MARCHF1: variants seen among roughly 807,000 people sequenced by gnomAD.
MARCHF1 encodes the protein E3 ubiquitin-protein ligase MARCHF1.
A neutral mutation model predicts 54.2 loss-of-function variants in MARCHF1; 40 were observed. The ratio of observed to expected loss-of-function variants is 0.74; its 90% CI spans 0.57 to 0.96. The LOEUF (loss-of-function observed/expected upper bound fraction) is 0.96. Among genes scored for constraint, MARCHF1 ranks in the 40% least tolerant of loss-of-function variants. The probability of loss-of-function intolerance (pLI) is 0.00; values close to 1 mark genes in which losing one functional copy is unlikely to be tolerated. For synonymous variants in MARCHF1, 236 were observed against 236.3 expected, an observed-to-expected ratio of 1.00 and a Z score of 0.01; for missense variants, 586 against 656.5, an observed-to-expected ratio of 0.89 and a Z score of 1.17.
rs1242877305 is a variant in MARCHF1, at chr4:163,673,943, G to C, written c.162+26870C>G. Among the ~76,000 whole-genome samples the C allele has an allele frequency of 7.2e-5, 11 of 152,278 alleles. No homozygotes were observed. The East Asian group carries it at 2.1e-3, about 29-fold the overall frequency. ...AAACCAAAGAAAGGAGTAGGAATATGAATTCCACGAGTTAACAGAAATAAC... is the reference window on the plus strand; with the variant it reads ...AAACCAAAGAAAGGAGTAGGAATATCAATTCCACGAGTTAACAGAAATAAC... On this transcript the variant is annotated intron_variant, in intron 5 of 9. Transcript: ENST00000514618.
chr4:163,630,105 C>T (rs1240432867), intron 5 of MARCHF1, among the ~76,000 whole-genome samples: 1 of 152,134 alleles, frequency 6.6e-6, no homozygotes, highest in African/African-American at 2.4e-5. Context: ...AAAATTATGT[C>T]ATATGTCTAC....
At chr4:164,196,470 T>C (rs1005490615) in intron 1 of MARCHF1, among the ~76,000 whole-genome samples, 19 of 152,190 alleles carry the variant, frequency 1.2e-4, no homozygotes, top group African/African-American at 4.6e-4. Flanking sequence ...TATTTCCTTA[T>C]TAATAAATTT....
At chr4:164,040,384 GTATT>G (rs1754102570) in intron 2 of MARCHF1, among the ~76,000 whole-genome samples, 1 of 144,910 alleles carries the variant, frequency 6.9e-6, no homozygotes, top group South Asian at 2.1e-4. Context: ...TTCTATATAA[GTATT>G]TATATATAAA....
intron 1 of MARCHF1, among the ~76,000 whole-genome samples, chr4:164,290,994 GT>G (rs1734270703): frequency 6.6e-6 from 1 of 151,666 alleles, no homozygotes; most frequent in East Asian, 1.9e-4. Context: ...AAGTAAACAT[GT>G]TTTTTAAATT....
At chr4:163,666,412 CA>C (rs1210930939) in intron 5 of MARCHF1, among the ~76,000 whole-genome samples, 2 of 152,086 alleles carry the variant, frequency 1.3e-5, no homozygotes, top group Non-Finnish European at 2.9e-5. Context: ...TAGTTACACC[CA>C]ACCCCCTCAA....
At chr4:163,556,942 A>G (rs1458564330) in intron 8 of MARCHF1, among the ~76,000 whole-genome samples, 15 of 151,578 alleles carry the variant, frequency 9.9e-5, no homozygotes, top group Admixed American at 9.9e-4. Context: ...CTTAAATTGT[A>G]TACAAAATAT....
intron 1 of MARCHF1, among the ~76,000 whole-genome samples, chr4:164,239,144 T>C (rs1481109500): frequency 6.6e-6 from 1 of 152,114 alleles, no homozygotes; most frequent in Non-Finnish European, 1.5e-5. Context: ...TGTATAGATA[T>C]ATACATAAAG....
At chr4:163,781,838 G>A (rs985532729) in intron 4 of MARCHF1, among the ~76,000 whole-genome samples, 1 of 152,200 alleles carries the variant, frequency 6.6e-6, no homozygotes, top group African/African-American at 2.4e-5. Context: ...TCATATGTGA[G>A]TTTTGCCTAC....
At chr4:163,901,034 T>C (rs568161393) in intron 3 of MARCHF1, among the ~76,000 whole-genome samples, 2 of 152,300 alleles carry the variant, frequency 1.3e-5, no homozygotes, top group South Asian at 4.1e-4. Flanking sequence ...GTTCACCACA[T>C]AACTTTATGC....
At chr4:163,702,519 T>C (rs1244416927) in intron 4 of MARCHF1, among the ~76,000 whole-genome samples, 1 of 152,182 alleles carries the variant, frequency 6.6e-6, no homozygotes, top group East Asian at 1.9e-4. Flanking sequence ...AATTGAAAGG[T>C]GCTGCCACAG....
chr4:163,608,917 G>A (rs1741232963), intron 7 of MARCHF1, among the ~76,000 whole-genome samples: 1 of 152,078 alleles, frequency 6.6e-6, no homozygotes, highest in East Asian at 1.9e-4. Context: ...TCCATTTCTA[G>A]AGATCATATA....
intron 1 of MARCHF1, among the ~76,000 whole-genome samples, chr4:164,271,943 AAC>A (rs1733754894): frequency 6.6e-6 from 1 of 152,142 alleles, no homozygotes; most frequent in South Asian, 2.1e-4. Context: ...CCCAAAAATC[AAC>A]GGAAAAATAA....
At chr4:164,025,525 T>C (rs1009161849) in intron 2 of MARCHF1, among the ~76,000 whole-genome samples, 9 of 152,090 alleles carry the variant, frequency 5.9e-5, no homozygotes, top group Non-Finnish European at 1.3e-4. Context: ...AAAAAATTAT[T>C]AGAAATTAAT....
intron 1 of MARCHF1, among the ~76,000 whole-genome samples, chr4:164,141,449 C>T (rs1424675241): frequency 6.6e-6 from 1 of 152,234 alleles, no homozygotes; most frequent in Non-Finnish European, 1.5e-5. Context: ...GTCCCCCCAT[C>T]ATTTCTACTA....
intron 4 of MARCHF1, among the ~76,000 whole-genome samples, chr4:163,814,526 C>T (rs967681324): frequency 3.3e-5 from 5 of 152,094 alleles, no homozygotes; most frequent in African/African-American, 1.2e-4. Context: ...AGAGGTTGCA[C>T]TGAGCCGAGA....
chr4:164,168,766 ATC>A (rs1166087376), intron 1 of MARCHF1, among the ~76,000 whole-genome samples: 1 of 152,052 alleles, frequency 6.6e-6, no homozygotes, highest in Non-Finnish European at 1.5e-5. Flanking sequence ...ACAGTTGAAA[ATC>A]TGTGTATAAC....
chr4:164,139,645 C>T (rs1478971029), intron 1 of MARCHF1, among the ~76,000 whole-genome samples: 2 of 152,120 alleles, frequency 1.3e-5, no homozygotes, highest in Non-Finnish European at 2.9e-5. Flanking sequence ...AGAGGAGGAG[C>T]TGCTCATCCC....
At chr4:163,638,699 T>C (rs1023717707) in intron 5 of MARCHF1, among the ~76,000 whole-genome samples, 4 of 152,162 alleles carry the variant, frequency 2.6e-5, no homozygotes, top group Admixed American at 2.0e-4. Flanking sequence ...GGATCTCTAA[T>C]AGATATTTGT....
rs1042962913 is a variant in MARCHF1, at chr4:164,002,598, T to A, written c.-247-13889A>T. Among the ~76,000 whole-genome samples the A allele has an allele frequency of 3.3e-5, 5 of 151,396 alleles. 1 individual carries two copies. The highest frequency in any genetic ancestry group is 1.5e-5 in the Non-Finnish European group (1 of 67,662). On this transcript the variant is annotated intron_variant, in intron 2 of 9. Transcript: ENST00000514618. ...TCAAGACGTTAAACACACATATAAC[T>A]GGAGTACAAGAAGTAGAGAAAAGAG... is the stretch of plus-strand genomic sequence containing the variant.
Sources: gnomAD v4.1 joint callset for allele counts (sites outside exome capture counted in the v4.1 genomes callset) on GRCh38, gnomAD v4.1.1 for gene constraint, MANE v1.5 for transcripts, NCBI Gene and HGNC (gene_info 2026-07-23, HGNC 2026-07-21) for gene names.